Variants in COL6A6 observed in about 807,000 individuals in gnomAD.
COL6A6 encodes the protein collagen alpha-6(VI) chain.
Under a neutral mutation model 208.6 loss-of-function variants are expected in COL6A6, and 183 were observed. That is an observed-to-expected ratio of 0.88 (90% confidence interval 0.78 to 0.99). The LOEUF is 0.99. COL6A6 is among the 50% of genes least tolerant of loss of function. COL6A6 has a pLI of 0.00. For missense variants in COL6A6, 2,816 were observed against 2,815.2 expected (o/e 1.00, Z -0.01); for synonymous variants, 973 against 1,011.8 (o/e 0.96, Z 0.73).
chr3:130,555,488 C>T (rs944689615), intron 1 of COL6A6, among the ~76,000 whole-genome samples: 46 of 152,290 alleles, frequency 3.0e-4, no homozygotes, highest in African/African-American at 8.2e-4. Context: ...CCCCTGGCTA[C>T]GGCTAGTCTG....
intron 28 of COL6A6, among the ~76,000 whole-genome samples, chr3:130,638,532 C>T (rs2065220599): frequency 6.6e-6 from 1 of 152,220 alleles, no homozygotes; most frequent in Non-Finnish European, 1.5e-5. Context: ...CGTTGGATCT[C>T]TGCTTCTCAT....
rs2065357935 is a variant in COL6A6 at position 130,642,868 on chromosome 3, G to T, written c.5190+1G>T. ...AGCCAAAGGCTTGGCTTCATTTTCTGTACGTATCTCCCGACTACAACAGAG... is the reference window on the plus strand; with the variant it reads ...AGCCAAAGGCTTGGCTTCATTTTCTTTACGTATCTCCCGACTACAACAGAG... On this transcript the variant is annotated splice_donor_variant, in intron 30 of 36. Transcript: ENST00000358511. LOFTEE classifies it high-confidence loss of function. The T allele has an allele frequency of 1.9e-6, 3 of 1,613,786 alleles. No individual in the cohort carries two copies. The South Asian group carries it at 3.3e-5, about 18-fold the overall frequency.
intron 1 of COL6A6, among the ~76,000 whole-genome samples, chr3:130,525,768 C>A (rs1399128141): frequency 6.6e-6 from 1 of 152,238 alleles, no homozygotes; most frequent in African/African-American, 2.4e-5. Flanking sequence ...GCTTCCTTGA[C>A]CACGCCATTC....
In COL6A6 at chr3:130,626,483, A is replaced by G; in HGVS notation, c.4879-2A>G. The G allele has an allele frequency of 1.2e-6, 2 of 1,609,978 alleles. No homozygotes were observed. The highest frequency in any genetic ancestry group is 1.7e-6 in the Non-Finnish European group (2 of 1,176,178). ...CCTAAAAACAATCTTTCTGTTTAAC[A>G]GGGAGAACCTGGAGATCTGGGAGAA... On this transcript the variant is annotated splice_acceptor_variant, in intron 24 of 36. Transcript: ENST00000358511. LOFTEE classifies it high-confidence loss of function.
At chr3:130,648,368 T>C (rs2065522401) in intron 32 of COL6A6, among the ~76,000 whole-genome samples, 1 of 152,264 alleles carries the variant, frequency 6.6e-6, no homozygotes, top group African/African-American at 2.4e-5. Context: ...GCACCTACTA[T>C]GTGCCAGGTT....
intron 1 of COL6A6, among the ~76,000 whole-genome samples, chr3:130,541,639 G>C (rs1232994617): frequency 6.6e-6 from 1 of 152,098 alleles, no homozygotes; most frequent in African/African-American, 2.4e-5. Flanking sequence ...CTGGGCTTTG[G>C]CCACTCTAAG....
chr3:130,586,464 C>G, intron 10 of COL6A6, 42 bp from the exon 11 acceptor site: 1 of 1,555,768 alleles, frequency 6.4e-7, no homozygotes, highest in Non-Finnish European at 8.7e-7. Flanking sequence ...CTAAAGTAAC[C>G]AAACCCACCT....
chr3:130,537,929 G>T (rs1034512470), intron 1 of COL6A6, among the ~76,000 whole-genome samples: 1 of 152,306 alleles, frequency 6.6e-6, no homozygotes, highest in East Asian at 1.9e-4. Context: ...GCTGTCAATG[G>T]CAGAAATTCA....
intron 1 of COL6A6, among the ~76,000 whole-genome samples, chr3:130,554,754 A>G (rs544721533): frequency 3.7e-4 from 56 of 152,248 alleles, no homozygotes; most frequent in Admixed American, 1.4e-3. Context: ...AAAGTGATGC[A>G]GGGGGTGGCC....
At chr3:130,617,231 A>G (rs1186032374) in intron 23 of COL6A6, among the ~76,000 whole-genome samples, 4 of 152,158 alleles carry the variant, frequency 2.6e-5, no homozygotes, top group Non-Finnish European at 4.4e-5. Flanking sequence ...CTAGGATACA[A>G]GGATGAATGA....
At position 130,570,875 on chromosome 3, in the gene COL6A6, T is replaced by G. The variant is rs778162701; in HGVS notation, c.2459T>G (p.Ile820Ser). The G allele has an allele frequency of 2.5e-6, 4 of 1,613,844 alleles. No homozygotes were observed. The highest frequency in any genetic ancestry group is 3.4e-6 in the Non-Finnish European group (4 of 1,179,870). Residue 820 changes from isoleucine to serine, a missense_variant, in exon 7 of 37, where the codon ATT (isoleucine) becomes AGT (serine). Physicochemically the swap from Ile to Ser is moderately radical, Grantham distance 142. Transcript: ENST00000358511. Reference sequence around the variant, plus strand: ...TTTGTCATTGATAGCTCTGGCAGTATTGACTATGATGAGTATAATATCATG... The same window carrying G: ...TTTGTCATTGATAGCTCTGGCAGTAGTGACTATGATGAGTATAATATCATG... The part of the protein sequence containing the change: ...VVFVIDSSGS[I>S]DYDEYNIMKD...
At chr3:130,524,536 T>A (rs2061916758) in intron 1 of COL6A6, among the ~76,000 whole-genome samples, 1 of 152,074 alleles carries the variant, frequency 6.6e-6, no homozygotes, top group South Asian at 2.1e-4. Flanking sequence ...GAGTCCCACC[T>A]CATTTTCTTG....
At position 130,662,122 on chromosome 3, in the gene COL6A6, T is replaced by C. The variant is rs759223464; in HGVS notation, c.6316T>C (p.Leu2106=). 1.8e-5 allele frequency: 29 copies of C among 1,613,932 alleles called. No individual in the cohort carries two copies. The East Asian group carries it at 6.2e-4, about 35-fold the overall frequency. The change falls in exon 35 of 37, where the codon TTG becomes CTG. Residue 2106 remains leucine, a synonymous_variant. Transcript: ENST00000358511. ...TGGGGAAATCTTAAAGAAGGAATCC[T>C]TGCGAGCCAAATGTCAGGGATATGC... ...LDGEILKKES[L]RAKCQGYALF...
intron 1 of COL6A6, among the ~76,000 whole-genome samples, chr3:130,538,178 A>G (rs1374457103): frequency 6.6e-6 from 1 of 152,242 alleles, no homozygotes; most frequent in Non-Finnish European, 1.5e-5. Context: ...AACTTTGCCA[A>G]GACTTAGATG....
chr3:130,635,907 A>AGGAAGAGGCAG, intron 28 of COL6A6, 146 bp downstream of exon 28: 1 of 630,968 alleles, frequency 1.6e-6, no homozygotes. Flanking sequence ...GGGGAAGGGG[A>AGGAAGAGGCAG]ATGGATAGTC....
chr3:130,574,005 T>C lies in COL6A6; in HGVS notation c.3027T>C (p.Thr1009=), dbSNP rs1560012617. 1 of 1,613,734 alleles carries C rather than the reference T, an allele frequency of 6.2e-7. No homozygotes were observed. Among genetic ancestry groups the C allele is most frequent in the Admixed American group, 1.7e-5 (1 of 60,020 alleles). ...VDLVFLMDGS[T]SIQPNDFKKM... ...TTGTTTTCCTTATGGATGGTTCAAC[T>C]AGCATTCAGCCAAATGACTTCAAGA... is the stretch of plus-strand genomic sequence containing the variant. Residue 1009 remains threonine, a synonymous_variant, in exon 8 of 37, where the codon ACT becomes ACC. Transcript: ENST00000358511.
At chr3:130,575,965 G>T (rs1560016081) in intron 8 of COL6A6, among the ~76,000 whole-genome samples, 1 of 151,958 alleles carries the variant, frequency 6.6e-6, no homozygotes, top group Non-Finnish European at 1.5e-5. Flanking sequence ...CAGCCTCTGG[G>T]CATCTGCTGA....
intron 1 of COL6A6, among the ~76,000 whole-genome samples, chr3:130,524,490 T>C (rs2061915596): frequency 6.6e-6 from 1 of 152,162 alleles, no homozygotes; most frequent in South Asian, 2.1e-4. Flanking sequence ...CTCAGAAAAA[T>C]AGGCAAAATG....
intron 10 of COL6A6, among the ~76,000 whole-genome samples, chr3:130,586,147 G>C (rs1406013468): frequency 6.6e-6 from 1 of 152,220 alleles, no homozygotes; most frequent in South Asian, 2.1e-4. Flanking sequence ...TAAATTTTTT[G>C]TAGAGGTGGA....
Sources: gnomAD v4.1 joint callset for allele counts (sites outside exome capture counted in the v4.1 genomes callset) on GRCh38, gnomAD v4.1.1 for gene constraint, MANE v1.5 for transcripts, NCBI Gene and HGNC (gene_info 2026-07-23, HGNC 2026-07-21) for gene names.